CNTNAP4: variants seen among roughly 807,000 people sequenced by gnomAD.
The protein encoded by CNTNAP4 is contactin associated protein family member 4.
A neutral mutation model predicts 148.4 loss-of-function variants in CNTNAP4; 98 were observed. The ratio of observed to expected loss-of-function variants is 0.66; its 90% CI spans 0.56 to 0.78. The LOEUF is 0.78. Among genes scored for constraint, CNTNAP4 ranks in the 30% least tolerant of loss-of-function variants. CNTNAP4 has a pLI of 0.00. For missense variants in CNTNAP4, 1,935 were observed against 1,565.6 expected (o/e 1.24, Z -3.98); for synonymous variants, 730 against 565.1 (o/e 1.29, Z -4.14).
At chr16:76,491,852 C>T (rs4888515) in intron 13 of CNTNAP4, among the ~76,000 whole-genome samples, 121,592 of 151,462 alleles carry the variant, frequency 0.8, 50,108 homozygotes, top group East Asian at 0.96. Flanking sequence ...AATGATATCC[C>T]ATTGTGTGTG....
At chr16:76,361,094 A>T (rs1294839557) in intron 3 of CNTNAP4, among the ~76,000 whole-genome samples, 1 of 151,794 alleles carries the variant, frequency 6.6e-6, no homozygotes, top group East Asian at 1.9e-4. Context: ...AAGTGCTGGG[A>T]TTACAGGCAT....
In CNTNAP4 at chr16:76,409,776, A is replaced by G. The variant is rs74430927; in HGVS notation, c.391-17676A>G. Among the ~76,000 whole-genome samples the G allele has an allele frequency of 3.8e-3, 578 of 151,962 alleles. 4 individuals are homozygous for G. Among genetic ancestry groups the G allele is most frequent in the African/African-American group, 0.013 (542 of 41,530 alleles). On this transcript the variant is annotated intron_variant, in intron 3 of 23. Coordinates refer to ENST00000611870, the MANE Select transcript of CNTNAP4 (RefSeq NM_033401.5). ...TCAAAGCATATAGAGAGGCGTTGCT[A>G]TTTCTCCTTTTACTCTCTAGTGGGG...
chr16:76,472,591 C>CT (rs1187645122), intron 10 of CNTNAP4, among the ~76,000 whole-genome samples: 1 of 152,286 alleles, frequency 6.6e-6, no homozygotes, highest in Admixed American at 6.5e-5. Flanking sequence ...TGATGTCATT[C>CT]TTTTTTATGG....
chr16:76,375,803 G>A (rs547788085), intron 3 of CNTNAP4, among the ~76,000 whole-genome samples: 10 of 152,252 alleles, frequency 6.6e-5, no homozygotes, highest in East Asian at 1.9e-4. Flanking sequence ...TTGAATAGTC[G>A]GATTGTCAGT....
chr16:76,304,180 A>G (rs1479547940), intron 1 of CNTNAP4, among the ~76,000 whole-genome samples: 1 of 152,114 alleles, frequency 6.6e-6, no homozygotes. Context: ...TCATTTCGAG[A>G]TAGGAAAGGC....
At chr16:76,365,092 C>A (rs3974451) in intron 3 of CNTNAP4, among the ~76,000 whole-genome samples, 4 of 151,954 alleles carry the variant, frequency 2.6e-5, no homozygotes, top group Non-Finnish European at 1.5e-5. Flanking sequence ...TTTCTGCATA[C>A]GGCTAGCCAG....
At chr16:76,434,508 A>C (rs549320327) in intron 4 of CNTNAP4, among the ~76,000 whole-genome samples, 3 of 152,230 alleles carry the variant, frequency 2.0e-5, no homozygotes, top group Non-Finnish European at 4.4e-5. Flanking sequence ...GATTAAGCTT[A>C]CAATAATCCG....
At position 76,332,915 on chromosome 16, in the gene CNTNAP4, C is replaced by T. The variant is rs563662585; in HGVS notation, c.196+16392C>T. On this transcript the variant is annotated intron_variant, in intron 2 of 23. Transcript: ENST00000611870. Reference sequence around the variant, plus strand: ...GGAAAGTGGGAGCAGGTTAGTGGTACGGGCCAGATACAGTCAAGGGGTCAG... The same window carrying T: ...GGAAAGTGGGAGCAGGTTAGTGGTATGGGCCAGATACAGTCAAGGGGTCAG... Among the ~76,000 whole-genome samples, 47 of 152,184 alleles carry T rather than the reference C, an allele frequency of 3.1e-4. No homozygotes were observed. The South Asian group carries it at 7.7e-3, about 25-fold the overall frequency.
rs200047639 is a variant in CNTNAP4, at chr16:76,455,193, C to G, written c.1333+2424C>G. 5.9e-5 allele frequency among the ~76,000 whole-genome samples: 9 copies of G among 152,082 alleles called. No homozygotes were observed. In the East Asian group the frequency reaches 1.7e-3, roughly 29 times the overall value. The stretch of plus-strand genomic sequence containing the variant: ...GTTGCCACCTTTATAAATGTCAAAG[C>G]AAAAATCAATGAGCAGTACAGTTTT... On this transcript the variant is annotated intron_variant, in intron 8 of 23. Coordinates refer to ENST00000611870, the MANE Select transcript of CNTNAP4 (RefSeq NM_033401.5).
chr16:76,536,066 G>A (rs569025009), intron 18 of CNTNAP4, among the ~76,000 whole-genome samples: 1 of 152,154 alleles, frequency 6.6e-6, no homozygotes, highest in Admixed American at 6.5e-5. Flanking sequence ...TCACCTTTAT[G>A]TATTATAAAG....
At chr16:76,502,339 C>T (rs1304131749) in intron 15 of CNTNAP4, among the ~76,000 whole-genome samples, 1 of 149,802 alleles carries the variant, frequency 6.7e-6, no homozygotes, top group South Asian at 2.1e-4. Context: ...TATGGGAAAT[C>T]TGTACCACTT....
chr16:76,474,560 G>A (rs9931119), intron 10 of CNTNAP4, among the ~76,000 whole-genome samples: 136,893 of 152,198 alleles, frequency 0.9, 63,184 homozygotes, highest in South Asian at 1. Context: ...TAAAGGAGAC[G>A]GTAGAAACCC....
chr16:76,280,384 A>G (rs767920920), intron 1 of CNTNAP4, among the ~76,000 whole-genome samples: 3 of 152,182 alleles, frequency 2.0e-5, no homozygotes, highest in Non-Finnish European at 2.9e-5. Flanking sequence ...ATATATGTAT[A>G]TGTGCTCATT....
chr16:76,556,237 A>G (rs1004876187), intron 23 of CNTNAP4, among the ~76,000 whole-genome samples: 1 of 152,210 alleles, frequency 6.6e-6, no homozygotes, highest in African/African-American at 2.4e-5. Flanking sequence ...ACCCAGATAC[A>G]GATAGATTTA....
intron 17 of CNTNAP4, among the ~76,000 whole-genome samples, chr16:76,525,154 A>T (rs1487748845): frequency 6.6e-6 from 1 of 152,148 alleles, no homozygotes; most frequent in Admixed American, 6.5e-5. Context: ...TTACAACATT[A>T]CTATCACACA....
intron 1 of CNTNAP4, among the ~76,000 whole-genome samples, chr16:76,288,193 T>C (rs1958965356): frequency 6.6e-6 from 1 of 152,110 alleles, no homozygotes; most frequent in Non-Finnish European, 1.5e-5. Flanking sequence ...CACTTGGCTC[T>C]CAGTCTTCTC....
At chr16:76,446,250 A>G (rs1400909593) in intron 4 of CNTNAP4, among the ~76,000 whole-genome samples, 1 of 152,206 alleles carries the variant, frequency 6.6e-6, no homozygotes, top group Non-Finnish European at 1.5e-5. Context: ...GTCACATCAA[A>G]CAAGATGAGT....
intron 8 of CNTNAP4, among the ~76,000 whole-genome samples, chr16:76,460,846 G>A (rs1205952542): frequency 7.2e-6 from 1 of 137,996 alleles, no homozygotes; most frequent in African/African-American, 2.7e-5. Flanking sequence ...GTTTACTATA[G>A]TTATGTTCTA....
chr16:76,429,696 G>T (rs2079544423), intron 4 of CNTNAP4, among the ~76,000 whole-genome samples: 1 of 152,094 alleles, frequency 6.6e-6, no homozygotes, highest in Admixed American at 6.6e-5. Flanking sequence ...TGAGTTATCT[G>T]CTGCTCTGTG....
Sources: allele counts gnomAD v4.1 joint callset (sites outside exome capture counted in the v4.1 genomes callset), GRCh38; gene constraint gnomAD v4.1.1; transcripts MANE v1.5; gene names NCBI Gene and HGNC (gene_info 2026-07-23, HGNC 2026-07-21).